XPO1: variants seen among roughly 807,000 people sequenced by gnomAD.
XPO1 encodes exportin-1.
XPO1 carries 5 observed loss-of-function variants against 133.3 expected under a neutral mutation model. That is an observed-to-expected ratio of 0.04 (90% CI 0.02 to 0.08). The LOEUF (loss-of-function observed/expected upper bound fraction) is 0.08. XPO1 is among the 10% of genes least tolerant of loss of function. XPO1 has a pLI of 1.00. For synonymous variants in XPO1, 419 were observed against 408.2 expected (o/e 1.03, Z -0.32); for missense variants, 506 against 1,267.5 (o/e 0.40, Z 9.12).
intron 3 of XPO1, chr2:61,525,985 C>T (rs1573217361): frequency 9.4e-7 from 1 of 1,059,100 alleles, no homozygotes; most frequent in South Asian, 4.6e-5. Context: ...TAAATAAAAA[C>T]TGAGTGCTGT....
intron 3 of XPO1, 78 bp downstream of exon 3, chr2:61,526,342 C>G: frequency 2.0e-6 from 3 of 1,512,006 alleles, no homozygotes; most frequent in Non-Finnish European, 2.6e-6. Flanking sequence ...AATGCTAATA[C>G]TAAAAATGAG....
chr2:61,537,995 C>A lies in XPO1; in HGVS notation c.-440G>T. On this transcript the variant is annotated 5_prime_UTR_variant, in exon 1 of 25. Coordinates refer to ENST00000401558, the MANE Select transcript of XPO1 (RefSeq NM_003400.4). ...TCTGCTGCCAGTTGCAGTCCGACTCCCCCCTACCAAAACACGGCTCCCTCT... is the reference window on the plus strand; with the variant it reads ...TCTGCTGCCAGTTGCAGTCCGACTCACCCCTACCAAAACACGGCTCCCTCT... 6.2e-6 allele frequency: 1 copy of A among 160,560 alleles called. No homozygotes were observed. Among genetic ancestry groups the A allele is most frequent in the South Asian group, 1.8e-4 (1 of 5,612 alleles). 9.9% of individuals were successfully genotyped at this position (160,560 alleles called of 1,614,324 possible). A position where few individuals can be genotyped will look rare whatever the true frequency, so the allele number is the denominator to read the frequency against.
At position 61,533,863 on chromosome 2, in the gene XPO1, G is replaced by A. The variant is rs2104844891; in HGVS notation, c.35C>T (p.Ala12Val). 1.2e-6 allele frequency: 2 copies of A among 1,605,836 alleles called. No homozygotes were observed. Among genetic ancestry groups the A allele is most frequent in the Non-Finnish European group, 1.7e-6 (2 of 1,176,902 alleles). The change falls in exon 2 of 25, where the codon GCA (alanine) becomes GTA (valine). Residue 12 changes from alanine (A) to valine (V), a missense_variant. Around this residue, in one of 6 missense-constraint regions of XPO1, gnomAD observed 20 missense variants for 20.4 expected, o/e 0.98. Coordinates refer to ENST00000401558, the MANE Select transcript of XPO1 (RefSeq NM_003400.4). ...PAIMTMLADH[A>V]ARQLLDFSQK... is the part of the protein sequence containing the mutation. ...GCTGAAATCAAGCAGCTGACGAGCT[G>A]CATGGTCTGCTAACATTGTCATAAT...
At chr2:61,479,605 T>C (rs2104212136) in intron 24 of XPO1, among the ~76,000 whole-genome samples, 1 of 152,350 alleles carries the variant, frequency 6.6e-6, no homozygotes, top group East Asian at 1.9e-4. Flanking sequence ...TTGTTCTCTT[T>C]GTGATAGAGT....
At chr2:61,483,375 G>A (rs1477481998) in intron 21 of XPO1, 2 of 312,332 alleles carry the variant, frequency 6.4e-6, no homozygotes, top group African/African-American at 2.2e-5. Flanking sequence ...GGGAAGGGCA[G>A]GAGTGGGTGA....
At position 61,478,796 on chromosome 2, in the gene XPO1, A is replaced by T. The variant is rs1229892062; in HGVS notation, c.*24T>A. ...TTCCTCTGCTAACGAGTTGCAGAGA[A>T]AAAAAACAGCATGAATTTGGATTTT... On this transcript the variant is annotated 3_prime_UTR_variant, in exon 25 of 25. Coordinates refer to ENST00000401558, the MANE Select transcript of XPO1 (RefSeq NM_003400.4). The T allele has an allele frequency of 6.2e-7, 1 of 1,610,760 alleles. No individual in the cohort carries two copies. The highest frequency in any genetic ancestry group is 8.5e-7 in the Non-Finnish European group (1 of 1,178,444).
At chr2:61,512,731 T>C (rs533364990) in intron 4 of XPO1, among the ~76,000 whole-genome samples, 40 of 152,246 alleles carry the variant, frequency 2.6e-4, no homozygotes, top group African/African-American at 8.7e-4. Flanking sequence ...AAACCAACAA[T>C]AGCCAAACCT....
intron 4 of XPO1, among the ~76,000 whole-genome samples, chr2:61,506,911 G>A (rs1355229452): frequency 1.3e-5 from 2 of 151,806 alleles, no homozygotes; most frequent in Non-Finnish European, 2.9e-5. Context: ...GGCTTTCTAA[G>A]CTCTTCCTTA....
At chr2:61,506,363 C>A (rs1697813399) in intron 4 of XPO1, among the ~76,000 whole-genome samples, 1 of 152,176 alleles carries the variant, frequency 6.6e-6, no homozygotes, top group Non-Finnish European at 1.5e-5. Flanking sequence ...ATGGACAATG[C>A]AGTGAGCTGA....
intron 3 of XPO1, among the ~76,000 whole-genome samples, chr2:61,522,969 C>T (rs1698762305): frequency 6.6e-6 from 1 of 152,152 alleles, no homozygotes; most frequent in Admixed American, 6.5e-5. Flanking sequence ...GCCAAATAGG[C>T]TTATCTGTCG....
chr2:61,507,660 G>A (rs1178738890), intron 4 of XPO1, among the ~76,000 whole-genome samples: 1 of 151,776 alleles, frequency 6.6e-6, no homozygotes, highest in African/African-American at 2.4e-5. Context: ...GGCAGATCAC[G>A]TGAGGCCAGG....
rs1215460364 is a variant in XPO1 at position 61,537,864 on chromosome 2, C to T, written c.-309G>A. The T allele has an allele frequency of 1.9e-5, 3 of 155,952 alleles. No homozygotes were observed. The highest frequency in any genetic ancestry group is 6.5e-5 in the Admixed American group (1 of 15,354). The allele number at this position is 155,952 out of a possible 1,614,324, so 9.7% of individuals were successfully genotyped here. A position where few individuals can be genotyped will look rare whatever the true frequency, so the allele number is the denominator to read the frequency against. On this transcript the variant is annotated 5_prime_UTR_variant, in exon 1 of 25. Coordinates refer to ENST00000401558, the MANE Select transcript of XPO1 (RefSeq NM_003400.4). ...GGGGAGTGAGGGAAGGGGGAGGGAA[C>T]GGGGTCAAGTCCCAAAGATTCAGCC...
chr2:61,498,555 C>T (rs1697352750), intron 9 of XPO1, 118 bp downstream of exon 9: 1 of 1,314,980 alleles, frequency 7.6e-7, no homozygotes, highest in Non-Finnish European at 1.0e-6. Flanking sequence ...TCCTGAGCAG[C>T]GTCCTCGTGT....
chr2:61,525,931 T>G (rs1041109260), intron 3 of XPO1: 9 of 1,051,948 alleles, frequency 8.6e-6, no homozygotes, highest in Non-Finnish European at 1.0e-5. Context: ...TCAACCCTTC[T>G]GTTCAAACTT....
chr2:61,495,795 G>C (rs545226602), intron 10 of XPO1, among the ~76,000 whole-genome samples, 182 bp from the exon 11 acceptor site: 19 of 151,806 alleles, frequency 1.3e-4, no homozygotes, highest in Non-Finnish European at 2.6e-4. Context: ...AGCCCCTCCC[G>C]AGTAGCTGGA....
chr2:61,486,252 C>G (rs954709634), intron 19 of XPO1, among the ~76,000 whole-genome samples: 7 of 152,094 alleles, frequency 4.6e-5, no homozygotes, highest in Non-Finnish European at 7.4e-5. Flanking sequence ...CTGCTCACTG[C>G]AACCTCCACC....
chr2:61,505,873 T>C (rs1697784780), intron 4 of XPO1, among the ~76,000 whole-genome samples: 3 of 152,180 alleles, frequency 2.0e-5, no homozygotes, highest in Admixed American at 2.0e-4. Context: ...TCTTATACTG[T>C]ATATATTTTA....
At chr2:61,479,198 G>A (rs1696206197) in intron 24 of XPO1, among the ~76,000 whole-genome samples, 1 of 152,178 alleles carries the variant, frequency 6.6e-6, no homozygotes, top group Non-Finnish European at 1.5e-5. Context: ...CCGGCATGGT[G>A]GCTCACGCCT....
chr2:61,494,654 G>C (rs182711243), intron 11 of XPO1: 1 of 152,822 alleles, frequency 6.5e-6, no homozygotes, highest in Non-Finnish European at 1.5e-5. Context: ...AAAGGAGAAA[G>C]TGACTGTTTT....
Sources: gnomAD v4.1 joint callset for allele counts (sites outside exome capture counted in the v4.1 genomes callset) on GRCh38, gnomAD v4.1.1 for gene constraint, gnomAD v4.1.1 regional missense constraint, MANE v1.5 for transcripts, NCBI Gene and HGNC (gene_info 2026-07-23, HGNC 2026-07-21) for gene names.